CLIC5: variants seen among roughly 807,000 people sequenced by gnomAD.
CLIC5 encodes the protein chloride intracellular channel protein 5.
Under a neutral mutation model 24.7 loss-of-function variants are expected in CLIC5, and 20 were observed. That is an observed-to-expected ratio of 0.81 (90% CI 0.57 to 1.18). The LOEUF (loss-of-function observed/expected upper bound fraction) is 1.18. Ranked by LOEUF, CLIC5 falls within the 50% of genes most tolerant of loss-of-function variation. The pLI, the probability that CLIC5 is intolerant of heterozygous loss-of-function variation, is 0.00. For synonymous variants in CLIC5, 159 were observed against 135.6 expected (o/e 1.17, Z -1.20); for missense variants, 341 against 326.1 (o/e 1.05, Z -0.35).
At chr6:45,961,495 G>A (rs892957520) in intron 1 of CLIC5, among the ~76,000 whole-genome samples, 1 of 152,232 alleles carries the variant, frequency 6.6e-6, no homozygotes, top group African/African-American at 2.4e-5. Context: ...CTAGAAAAGA[G>A]TGACAAAGTG....
chr6:45,946,595 G>T (rs1038378762), intron 3 of CLIC5, among the ~76,000 whole-genome samples: 2 of 152,200 alleles, frequency 1.3e-5, no homozygotes, highest in Non-Finnish European at 2.9e-5. Flanking sequence ...GAACCAGAAG[G>T]CCAGGCTGTC....
In CLIC5 at chr6:46,080,187, T is replaced by A. The variant is rs1213265196; in HGVS notation, c.56A>T (p.Tyr19Phe). 1.9e-6 allele frequency: 3 copies of A among 1,551,588 alleles called. No homozygotes were observed. Among genetic ancestry groups the A allele is most frequent in the Non-Finnish European group, 2.6e-6 (3 of 1,146,986 alleles). ...TTCTTCTGGCTGGTCTGGAACCTCATACGTCCTCTCATTTTGGATTGTGTC... is the reference window on the plus strand; with the variant it reads ...TTCTTCTGGCTGGTCTGGAACCTCAAACGTCCTCTCATTTTGGATTGTGTC... The change falls in exon 1 of 6, where the codon TAT becomes TTT. Residue 19 changes from tyrosine to phenylalanine, a missense_variant. By Grantham distance (22) the Tyr-to-Phe change is conservative. Transcript: ENST00000185206.
rs1333485108 is a variant in CLIC5 at position 45,966,713 on chromosome 6, C to T, written c.64-11469G>A. Among the ~76,000 whole-genome samples, 4 of 152,208 alleles carry T rather than the reference C, an allele frequency of 2.6e-5. No individual in the cohort carries two copies. In the East Asian group the frequency reaches 7.7e-4, roughly 29 times the overall value. On this transcript the variant is annotated intron_variant, in intron 1 of 5. Transcript: ENST00000339561. ...CCTTCACATCCTGGCCCCACTCCTA[C>T]TTCCCACCCCATTTCTACACTGTTC...
chr6:46,031,939 T>C (rs12206969), intron 1 of CLIC5, among the ~76,000 whole-genome samples: 13,389 of 146,124 alleles, frequency 0.092, 752 homozygotes, highest in African/African-American at 0.15. Flanking sequence ...TATATATATA[T>C]ACACACACAC....
the CLIC5 span, among the ~76,000 whole-genome samples, chr6:46,093,638 G>A: frequency 6.6e-6 from 1 of 152,192 alleles, no homozygotes; most frequent in African/African-American, 2.4e-5. Flanking sequence ...TATTGATGAG[G>A]ATGTCTGAGT....
chr6:45,954,607 T>A (rs1764582767), intron 2 of CLIC5, among the ~76,000 whole-genome samples: 1 of 152,022 alleles, frequency 6.6e-6, no homozygotes, highest in African/African-American at 2.4e-5. Flanking sequence ...AGAGTGTGGC[T>A]CCTGGTGTTT....
intron 1 of CLIC5, among the ~76,000 whole-genome samples, chr6:46,050,583 A>T (rs1768075467): frequency 1.3e-5 from 2 of 152,216 alleles, no homozygotes; most frequent in Non-Finnish European, 2.9e-5. Flanking sequence ...TTTAGAAATT[A>T]AAACACTAAA....
chr6:46,018,748 C>T (rs531441481), upstream of CLIC5: 1 of 152,192 alleles, frequency 6.6e-6, no homozygotes, highest in Admixed American at 6.5e-5. Flanking sequence ...ACATTTAGTG[C>T]TCACTTTGGC....
At chr6:46,049,540 A>G (rs912923651) in intron 1 of CLIC5, among the ~76,000 whole-genome samples, 1 of 152,176 alleles carries the variant, frequency 6.6e-6, no homozygotes, top group South Asian at 2.1e-4. Context: ...GCAGAGTATC[A>G]CATAGTTAAA....
the CLIC5 span, among the ~76,000 whole-genome samples, chr6:46,109,368 C>A: frequency 6.6e-6 from 1 of 151,666 alleles, no homozygotes; most frequent in Non-Finnish European, 1.5e-5. Context: ...TAAAAACTTC[C>A]AGGACTCTAA....
At chr6:45,984,517 G>A (rs995902182) in intron 1 of CLIC5, among the ~76,000 whole-genome samples, 4 of 152,142 alleles carry the variant, frequency 2.6e-5, no homozygotes, top group Admixed American at 6.5e-5. Flanking sequence ...TAAGTGCCCC[G>A]CCTCCACAGT....
intron 1 of CLIC5, among the ~76,000 whole-genome samples, chr6:46,039,016 A>G (rs1767736354): frequency 6.6e-6 from 1 of 152,196 alleles, no homozygotes. Flanking sequence ...TCAATAAGAA[A>G]CTTATTTTAA....
intron 4 of CLIC5, chr6:45,920,146 A>T: frequency 3.1e-6 from 3 of 974,506 alleles, no homozygotes; most frequent in Non-Finnish European, 3.7e-6. Context: ...ATTTGGTAAC[A>T]TATTTGTGTT....
the CLIC5 span, among the ~76,000 whole-genome samples, chr6:46,100,270 A>G: frequency 6.6e-6 from 1 of 152,254 alleles, no homozygotes; most frequent in Non-Finnish European, 1.5e-5. Flanking sequence ...GGAAAAAACA[A>G]ACAAACAAAC....
chr6:45,972,434 C>T (rs984329980), intron 1 of CLIC5, among the ~76,000 whole-genome samples: 1 of 152,202 alleles, frequency 6.6e-6, no homozygotes, highest in African/African-American at 2.4e-5. Flanking sequence ...TGTCCTACAG[C>T]TCCAGGGTCC....
intron 1 of CLIC5, chr6:46,079,610 A>C (rs1762869313): frequency 9.5e-7 from 1 of 1,056,148 alleles, no homozygotes; most frequent in Non-Finnish European, 1.4e-6. Flanking sequence ...GGACCATGGC[A>C]TTATGAATCT....
At chr6:45,940,627 T>A (rs1764096683) in intron 4 of CLIC5, among the ~76,000 whole-genome samples, 1 of 152,180 alleles carries the variant, frequency 6.6e-6, no homozygotes, top group Non-Finnish European at 1.5e-5. Context: ...TCACAAAGAT[T>A]CATGGAGCAC....
At chr6:46,013,285 T>C (rs894643356) in intron 1 of CLIC5, among the ~76,000 whole-genome samples, 2 of 152,252 alleles carry the variant, frequency 1.3e-5, no homozygotes, top group Non-Finnish European at 2.9e-5. Flanking sequence ...TGGGGAATCA[T>C]GTACCTCAGA....
At chr6:46,036,246 G>A (rs1198903217) in intron 1 of CLIC5, among the ~76,000 whole-genome samples, 1 of 149,558 alleles carries the variant, frequency 6.7e-6, no homozygotes, top group Admixed American at 6.6e-5. Context: ...ATCCCAAATT[G>A]TGTTTTATTA....
Sources: allele counts gnomAD v4.1 joint callset (sites outside exome capture counted in the v4.1 genomes callset), GRCh38; gene constraint gnomAD v4.1.1; transcripts MANE v1.5; gene names NCBI Gene and HGNC (gene_info 2026-07-23, HGNC 2026-07-21).